SNAP47: variants seen among roughly 807,000 people sequenced by gnomAD.
SNAP47 encodes the protein synaptosome associated protein 47, also known as synaptosomal-associated protein 47.
In SNAP47, 20 loss-of-function variants were observed where a neutral mutation model predicts 31.4. That is an observed-to-expected ratio of 0.64 (90% CI 0.45 to 0.93). The LOEUF is 0.93. Among genes scored for constraint, SNAP47 ranks in the 40% least tolerant of loss-of-function variants. The pLI is 0.00. For missense variants in SNAP47, 492 were observed against 528.5 expected, an observed-to-expected ratio of 0.93 and a Z score of 0.68; for synonymous variants, 194 against 213.4, an observed-to-expected ratio of 0.91 and a Z score of 0.79.
At chr1:227,766,725 A>T (rs1468007729) in intron 3 of SNAP47, among the ~76,000 whole-genome samples, 2 of 152,226 alleles carry the variant, frequency 1.3e-5, no homozygotes, top group Non-Finnish European at 2.9e-5. Context: ...CTTGGGATGT[A>T]GGGCTTTTAC....
intron 1 of SNAP47, 73 bp downstream of exon 1, chr1:227,735,572 CGCGCTGTGGCTGACACAGCCCGA>C: frequency 7.5e-7 from 1 of 1,341,932 alleles, no homozygotes; most frequent in Non-Finnish European, 9.5e-7. Context: ...GCTCAGTCCG[CGCGCTGTGGCTGACACAGCCCGA>C]GCCCTCCTTC....
At position 227,756,638 on chromosome 1, in the gene SNAP47, A is replaced by G. The variant is rs922684406; in HGVS notation, c.498-2357A>G. ...CTGCCCACGTGTATTTCCAGCAAAC[A>G]GTTAGGGTGCTGCCTGTCTGAAATG... On this transcript the variant is annotated intron_variant, in intron 2 of 4. Coordinates refer to ENST00000617596, the MANE Select transcript of SNAP47 (RefSeq NM_053052.4). Among the ~76,000 whole-genome samples the G allele has an allele frequency of 1.3e-3, 197 of 150,822 alleles. 1 individual carries two copies. The highest frequency in any genetic ancestry group is 4.6e-3 in the African/African-American group (184 of 40,166).
chr1:227,747,807 C>T lies in SNAP47; in HGVS notation c.71C>T (p.Thr24Ile). 1 of 1,614,208 alleles carries T rather than the reference C, an allele frequency of 6.2e-7. No individual in the cohort carries two copies. The highest frequency in any genetic ancestry group is 1.1e-5 in the South Asian group (1 of 91,074). The change falls in exon 2 of 5, where the codon ACT becomes ATT. Residue 24 changes from threonine to isoleucine, a missense_variant. By Grantham distance (89) the Thr-to-Ile change is moderately conservative (BLOSUM62 -1). Coordinates refer to ENST00000617596, the MANE Select transcript of SNAP47 (RefSeq NM_053052.4). ...YYLEPKRRWVTGQLSLTSLSL... is the reference protein window; with the variant it reads ...YYLEPKRRWVIGQLSLTSLSL... ...CTGGAGCCCAAGAGGCGATGGGTTA[C>T]TGGACAGCTGTCCTTAACATCGCTG...
upstream of SNAP47, among the ~76,000 whole-genome samples, chr1:227,728,346 A>G (rs1571950931): frequency 6.6e-6 from 1 of 150,518 alleles, no homozygotes; most frequent in South Asian, 2.1e-4. Flanking sequence ...TTGCCACCGG[A>G]GCGGGGGGGG....
chr1:227,773,589 G>A (rs968140180), intron 4 of SNAP47, among the ~76,000 whole-genome samples: 28 of 152,310 alleles, frequency 1.8e-4, no homozygotes, highest in Middle Eastern at 3.4e-3. Flanking sequence ...CCAGGGCCGC[G>A]TCCAGTCCTG....
chr1:227,742,277 C>G (rs1005323055), intron 1 of SNAP47, among the ~76,000 whole-genome samples: 6 of 152,076 alleles, frequency 3.9e-5, no homozygotes, highest in African/African-American at 1.4e-4. Flanking sequence ...CTCTGTTGCC[C>G]AGGCTGGAGT....
intron 2 of SNAP47, among the ~76,000 whole-genome samples, chr1:227,756,602 T>A (rs1403060361): frequency 6.6e-6 from 1 of 152,266 alleles, no homozygotes; most frequent in East Asian, 1.9e-4. Context: ...AGTGCCCCGA[T>A]GGTGGTGGCT....
At chr1:227,732,519 G>C (rs758092142), upstream of SNAP47, 1 of 1,613,398 alleles carries the variant, frequency 6.2e-7, no homozygotes, top group South Asian at 1.1e-5. Context: ...CAGCACCTCT[G>C]TGATGCGCCC....
At chr1:227,745,507 T>C (rs1040290963) in intron 1 of SNAP47, among the ~76,000 whole-genome samples, 2 of 152,148 alleles carry the variant, frequency 1.3e-5, no homozygotes, top group African/African-American at 4.8e-5. Context: ...AGCAGTCTGG[T>C]GTGAAGGACC....
upstream of SNAP47, chr1:227,735,358 C>A: frequency 6.3e-7 from 1 of 1,593,414 alleles, no homozygotes; most frequent in Non-Finnish European, 8.5e-7. Flanking sequence ...CCAGAAGACG[C>A]AGGGCGCCGC....
intron 2 of SNAP47, 51 bp from the exon 3 acceptor site, chr1:227,758,944 C>T: frequency 6.5e-7 from 1 of 1,531,368 alleles, no homozygotes; most frequent in Non-Finnish European, 8.7e-7. Flanking sequence ...AAAGGTATTA[C>T]TCCTTAAAAA....
At position 227,762,387 on chromosome 1, in the gene SNAP47, AGCTCAGTAGTCTGT is replaced by A. The variant is rs1558206992; in HGVS notation, c.988+2904_988+2917del. On this transcript the variant is annotated intron_variant, in intron 3 of 4. Coordinates refer to ENST00000617596, the MANE Select transcript of SNAP47 (RefSeq NM_053052.4). The surrounding 1 kb of genome is among the most constrained non-coding windows in gnomAD (Gnocchi z 4.2). Reference sequence around the variant, plus strand: ...AGAAGGCGGCGCCCCGTTTGATGGGAGCTCAGTAGTCTGTGGGGCACTTGTGGCTCTGAGGCCTT... The same window carrying A: ...AGAAGGCGGCGCCCCGTTTGATGGGAGGGGCACTTGTGGCTCTGAGGCCTT... Among the ~76,000 whole-genome samples, 1 of 152,114 alleles carries A rather than the reference AGCTCAGTAGTCTGT, an allele frequency of 6.6e-6. No homozygotes were observed. Among genetic ancestry groups the A allele is most frequent in the Non-Finnish European group, 1.5e-5 (1 of 68,008 alleles).
chr1:227,732,838 A>G (rs200741954), upstream of SNAP47: 39 of 1,609,274 alleles, frequency 2.4e-5, no homozygotes, highest in East Asian at 7.8e-4. Context: ...TGCAGCCTAA[A>G]AGCCTCCCCC....
At chr1:227,740,558 T>C (rs1382688467) in intron 1 of SNAP47, among the ~76,000 whole-genome samples, 1 of 152,126 alleles carries the variant, frequency 6.6e-6, no homozygotes, top group Non-Finnish European at 1.5e-5. Context: ...GGCACACATA[T>C]AATGGAAAGA....
chr1:227,761,775 C>T (rs1663079404), intron 3 of SNAP47, among the ~76,000 whole-genome samples: 1 of 152,158 alleles, frequency 6.6e-6, no homozygotes, highest in South Asian at 2.1e-4. Context: ...TTCAGGACTG[C>T]TCTCCAGGGT....
chr1:227,733,779 C>G, upstream of SNAP47: 1 of 1,586,434 alleles, frequency 6.3e-7, no homozygotes. Flanking sequence ...GGGGTGGCCC[C>G]TTGGTCTCAA....
At chr1:227,732,320 T>G, upstream of SNAP47, 1 of 1,561,670 alleles carries the variant, frequency 6.4e-7, no homozygotes. Flanking sequence ...GAGGGCGGTC[T>G]TTATTTCTGG....
intron 4 of SNAP47, among the ~76,000 whole-genome samples, chr1:227,773,820 G>A (rs1328547345): frequency 6.6e-6 from 1 of 152,230 alleles, no homozygotes; most frequent in Non-Finnish European, 1.5e-5. Context: ...CTCAGTGTGT[G>A]TATGTGTACT....
At chr1:227,740,754 A>AG (rs1242984019) in intron 1 of SNAP47, among the ~76,000 whole-genome samples, 3 of 152,004 alleles carry the variant, frequency 2.0e-5, no homozygotes, top group African/African-American at 7.3e-5. Flanking sequence ...ATGTTTCTTG[A>AG]GGGGGAGGAA....
Sources: gnomAD v4.1 joint callset for allele counts (sites outside exome capture counted in the v4.1 genomes callset) on GRCh38, gnomAD v4.1.1 for gene constraint, Gnocchi (gnomAD v3.1) non-coding constraint, MANE v1.5 for transcripts, NCBI Gene and HGNC (gene_info 2026-07-23, HGNC 2026-07-21) for gene names.